Variants in SHC3 observed in about 807,000 individuals in gnomAD.
The protein encoded by SHC3 is SHC adaptor protein 3.
SHC3 carries 15 observed loss-of-function variants against 60.4 expected under a neutral mutation model. That is an observed-to-expected ratio of 0.25 (90% CI 0.17 to 0.38). The LOEUF is 0.38. Ranked by LOEUF, SHC3 falls within the 10% of genes least tolerant of loss-of-function variation. SHC3 has a pLI of 1.00. For synonymous variants in SHC3, 294 were observed against 325.9 expected (o/e 0.90, Z 1.05); for missense variants, 677 against 786.1 (o/e 0.86, Z 1.66).
chr9:89,049,923 G>A (rs1824835398), intron 7 of SHC3, among the ~76,000 whole-genome samples: 1 of 151,914 alleles, frequency 6.6e-6, no homozygotes, highest in Admixed American at 6.6e-5. Flanking sequence ...GAGTCACCGA[G>A]TCTACTCTGG....
chr9:89,100,977 T>G (rs1427021889), intron 2 of SHC3, among the ~76,000 whole-genome samples: 1 of 152,192 alleles, frequency 6.6e-6, no homozygotes, highest in Non-Finnish European at 1.5e-5. Context: ...TTTACTGGAA[T>G]TGTGTTAAAT....
chr9:89,133,910 T>TA (rs1284467537), intron 1 of SHC3, among the ~76,000 whole-genome samples: 3 of 152,178 alleles, frequency 2.0e-5, no homozygotes, highest in East Asian at 1.9e-4. Flanking sequence ...TAAAGTATAA[T>TA]AAAAAAATTG....
chr9:89,040,216 TCATCACCACCAC>T (rs1824661114), intron 10 of SHC3, among the ~76,000 whole-genome samples: 3 of 2,610 alleles, frequency 1.1e-3, no homozygotes, highest in Non-Finnish European at 1.5e-3. Flanking sequence ...ACCATCATCA[TCATCACCACCAC>T]CATCACCACC....
intron 2 of SHC3, chr9:89,109,050 G>T (rs1330796146): frequency 1.0e-6 from 1 of 985,478 alleles, no homozygotes; most frequent in East Asian, 1.1e-4. Context: ...GACCTTACCT[G>T]CCCTTCTTCC....
At chr9:89,171,005 C>A (rs1826861246) in intron 1 of SHC3, among the ~76,000 whole-genome samples, 1 of 152,164 alleles carries the variant, frequency 6.6e-6, no homozygotes, top group South Asian at 2.1e-4. Context: ...TCATAATTCA[C>A]TTACATTTTG....
At chr9:89,145,478 A>G (rs1237306255) in intron 1 of SHC3, among the ~76,000 whole-genome samples, 1 of 152,280 alleles carries the variant, frequency 6.6e-6, no homozygotes, top group Non-Finnish European at 1.5e-5. Flanking sequence ...GACCTTGAGG[A>G]ATCAACCACA....
At chr9:89,040,088 C>T (rs1051863716) in intron 10 of SHC3, among the ~76,000 whole-genome samples, 2 of 148,574 alleles carry the variant, frequency 1.3e-5, no homozygotes, top group Non-Finnish European at 3.0e-5. Context: ...CCACCAGCAC[C>T]ATCATCAGCA....
At chr9:89,162,121 T>C (rs1416275858) in intron 1 of SHC3, among the ~76,000 whole-genome samples, 2 of 145,494 alleles carry the variant, frequency 1.4e-5, no homozygotes, top group Non-Finnish European at 3.0e-5. Context: ...GAACATTCCA[T>C]GCTCATAGGT....
intron 1 of SHC3, among the ~76,000 whole-genome samples, chr9:89,144,806 T>A (rs1245767750): frequency 1.3e-5 from 2 of 151,934 alleles, no homozygotes; most frequent in African/African-American, 2.4e-5. Context: ...TTTTTTTTGG[T>A]CTCAATGCAG....
intron 2 of SHC3, among the ~76,000 whole-genome samples, chr9:89,098,863 T>A (rs990837796): frequency 2.0e-5 from 3 of 151,534 alleles, no homozygotes; most frequent in Non-Finnish European, 4.4e-5. Flanking sequence ...TCTCAGCTAC[T>A]CGGGAGGCTG....
chr9:89,056,363 C>T lies in SHC3; in HGVS notation c.836-4200G>A, dbSNP rs150520818. ...CTGGGTTCAAGCCATTCTCCTGCCT[C>T]AGCCTCCCGAGTAGGTGGGATTACG... On this transcript the variant is annotated intron_variant, in intron 6 of 11. Coordinates refer to ENST00000375835, the MANE Select transcript of SHC3 (RefSeq NM_016848.6). Among the ~76,000 whole-genome samples the T allele has an allele frequency of 8.0e-3, 1,218 of 152,322 alleles. 18 individuals are homozygous for T. Among genetic ancestry groups the T allele is most frequent in the African/African-American group, 0.026 (1,098 of 41,554 alleles).
chr9:89,103,412 G>A (rs557365851), intron 2 of SHC3, among the ~76,000 whole-genome samples: 2 of 152,308 alleles, frequency 1.3e-5, no homozygotes, highest in East Asian at 3.9e-4. Flanking sequence ...CCCAGTAATG[G>A]AGGGGAGAAT....
chr9:89,014,583 G>A (rs532998899), intron 11 of SHC3, among the ~76,000 whole-genome samples: 1 of 152,286 alleles, frequency 6.6e-6, no homozygotes, highest in South Asian at 2.1e-4. Flanking sequence ...AGTGTGTGCA[G>A]ATGAGTTTCC....
intron 11 of SHC3, among the ~76,000 whole-genome samples, chr9:89,025,324 C>T (rs536546405): frequency 2.2e-4 from 33 of 152,224 alleles, no homozygotes; most frequent in Admixed American, 9.2e-4. Context: ...TAGGCTCATG[C>T]CTGGATCCAG....
intron 1 of SHC3, among the ~76,000 whole-genome samples, chr9:89,140,335 TCC>T (rs34117028): frequency 6.8e-6 from 1 of 147,764 alleles, no homozygotes; most frequent in South Asian, 2.2e-4. Context: ...GCAAACAGAT[TCC>T]CCCCCCCAGA....
rs183958064 is a variant in SHC3, at chr9:89,132,733, C to T, written c.475-20107G>A. 3.4e-3 allele frequency among the ~76,000 whole-genome samples: 523 copies of T among 152,314 alleles called. 1 individual carries two copies. The highest frequency in any genetic ancestry group is 5.5e-3 in the Non-Finnish European group (375 of 68,028). On this transcript the variant is annotated intron_variant, in intron 1 of 11. Coordinates refer to ENST00000375835, the MANE Select transcript of SHC3 (RefSeq NM_016848.6). ...TGTAGAAAGCTGAAACTGGATCCTT[C>T]CTTACACCTTATACAAAAATTAATT...
intron 4 of SHC3, among the ~76,000 whole-genome samples, 174 bp downstream of exon 4, chr9:89,074,935 A>G (rs536433907): frequency 1.3e-5 from 2 of 152,268 alleles, no homozygotes; most frequent in East Asian, 3.9e-4. Context: ...AAAGAGAGCC[A>G]ATTTCATTTA....
intron 2 of SHC3, among the ~76,000 whole-genome samples, chr9:89,091,478 T>C (rs1050293072): frequency 2.6e-5 from 4 of 152,134 alleles, no homozygotes; most frequent in Non-Finnish European, 4.4e-5. Flanking sequence ...AATCCATACA[T>C]ACAAAGTAAA....
intron 11 of SHC3, among the ~76,000 whole-genome samples, chr9:89,026,820 G>A (rs545703105): frequency 1.3e-5 from 2 of 152,108 alleles, no homozygotes; most frequent in Non-Finnish European, 2.9e-5. Context: ...TGCACACCTG[G>A]GCCCTTGGAC....
Sources: gnomAD v4.1 joint callset for allele counts (sites outside exome capture counted in the v4.1 genomes callset) on GRCh38, gnomAD v4.1.1 for gene constraint, MANE v1.5 for transcripts, NCBI Gene and HGNC (gene_info 2026-07-23, HGNC 2026-07-21) for gene names.